The following FHIT variants were observed in gnomAD, a reference collection of about 807,000 sequenced individuals.
The protein encoded by FHIT is fragile histidine triad diadenosine triphosphatase.
A neutral mutation model predicts 17.9 loss-of-function variants in FHIT; 19 were observed. That is an observed-to-expected ratio of 1.06 (90% CI 0.74 to 1.56). The LOEUF (loss-of-function observed/expected upper bound fraction) is 1.56, where lower values mean the gene tolerates loss of function less well. FHIT is among the 40% of genes most tolerant of loss of function. The pLI, the probability that FHIT is intolerant of heterozygous loss-of-function variation, is 0.00. For missense variants in FHIT, 248 were observed against 189.2 expected (o/e 1.31, Z -1.82); for synonymous variants, 81 against 69.7 (o/e 1.16, Z -0.81).
intron 8 of FHIT, among the ~76,000 whole-genome samples, chr3:59,839,682 T>G (rs1392611159): frequency 6.6e-6 from 1 of 152,136 alleles, no homozygotes; most frequent in Non-Finnish European, 1.5e-5. Context: ...GAAGATCTAC[T>G]TCAATCCCAG....
intron 8 of FHIT, among the ~76,000 whole-genome samples, chr3:59,853,871 C>T (rs549378875): frequency 2.6e-5 from 4 of 152,216 alleles, no homozygotes; most frequent in African/African-American, 9.6e-5. Context: ...GTCATGAAGA[C>T]TTAGCAGTTA....
chr3:60,811,760 A>G (rs1374442954), intron 4 of FHIT, among the ~76,000 whole-genome samples: 1 of 152,154 alleles, frequency 6.6e-6, no homozygotes, highest in East Asian at 1.9e-4. Context: ...ATGATCAAAC[A>G]TATTAGCCTT....
intron 8 of FHIT, among the ~76,000 whole-genome samples, chr3:59,774,924 G>A (rs576494993): frequency 6.6e-6 from 1 of 152,210 alleles, no homozygotes; most frequent in African/African-American, 2.4e-5. Flanking sequence ...ATAGACCAGC[G>A]ACATCAGCAT....
intron 7 of FHIT, among the ~76,000 whole-genome samples, chr3:59,981,660 G>A (rs75352249): frequency 0.095 from 14,446 of 152,164 alleles, 873 homozygotes; most frequent in Admixed American, 0.13. Flanking sequence ...TTAACGCAGA[G>A]AGATGCCCTT....
intron 3 of FHIT, among the ~76,000 whole-genome samples, chr3:60,875,922 CATGT>C (rs1315999473): frequency 1.6e-5 from 1 of 61,158 alleles, no homozygotes. Context: ...AAAACTTATT[CATGT>C]GTGTGTGTGT....
intron 7 of FHIT, among the ~76,000 whole-genome samples, chr3:59,946,269 G>T (rs1363692919): frequency 3.3e-5 from 5 of 151,990 alleles, no homozygotes; most frequent in African/African-American, 9.7e-5. Context: ...GTATTTTTTT[G>T]TGTGTGTTTG....
At chr3:60,575,020 T>C (rs1442507712) in intron 4 of FHIT, among the ~76,000 whole-genome samples, 2 of 152,108 alleles carry the variant, frequency 1.3e-5, no homozygotes, top group Admixed American at 6.6e-5. Flanking sequence ...ATAGAGATGA[T>C]AGGCAAAAGT....
chr3:60,231,492 G>T (rs949678319), intron 5 of FHIT, among the ~76,000 whole-genome samples: 3 of 152,168 alleles, frequency 2.0e-5, no homozygotes, highest in African/African-American at 7.2e-5. Context: ...CACCACTGGT[G>T]AACTTTGACA....
At chr3:61,205,330 T>A (rs1339473839) in intron 1 of FHIT, among the ~76,000 whole-genome samples, 1 of 152,184 alleles carries the variant, frequency 6.6e-6, no homozygotes, top group Non-Finnish European at 1.5e-5. Context: ...CCTTTTAGTA[T>A]ATACCCAGTA....
chr3:60,648,627 C>G (rs11920498), intron 4 of FHIT, among the ~76,000 whole-genome samples: 3,328 of 152,284 alleles, frequency 0.022, 126 homozygotes, highest in African/African-American at 0.075. Context: ...ATCTGGACAC[C>G]TGTTACTTGA....
chr3:60,956,995 G>C (rs1709197580), intron 3 of FHIT, among the ~76,000 whole-genome samples: 1 of 152,024 alleles, frequency 6.6e-6, no homozygotes, highest in Non-Finnish European at 1.5e-5. Context: ...CTCATGGTCA[G>C]GCAGTACTGC....
At chr3:60,377,364 G>T (rs1422092011) in intron 5 of FHIT, among the ~76,000 whole-genome samples, 1 of 149,958 alleles carries the variant, frequency 6.7e-6, no homozygotes, top group Non-Finnish European at 1.5e-5. Context: ...TCACCATATT[G>T]GCCAGGATGG....
intron 7 of FHIT, among the ~76,000 whole-genome samples, chr3:59,938,853 T>C (rs1706369661): frequency 6.6e-6 from 1 of 152,126 alleles, no homozygotes; most frequent in African/African-American, 2.4e-5. Flanking sequence ...TAAGACAGGA[T>C]AAATGACTCC....
chr3:61,141,774 T>C lies in FHIT; in HGVS notation c.-164+58843A>G, dbSNP rs544376166. 9.9e-5 allele frequency among the ~76,000 whole-genome samples: 15 copies of C among 151,738 alleles called. No individual in the cohort carries two copies. In the East Asian group the frequency reaches 2.7e-3, roughly 27 times the overall value. ...TGGCTGACCCAGAGGAGGCTCCAGC[T>C]TTCTCAGGATTGTAATGGCAATGAC... On this transcript the variant is annotated intron_variant, in intron 2 of 9. Coordinates refer to ENST00000492590, the MANE Select transcript of FHIT (RefSeq NM_002012.4).
At chr3:60,545,952 T>G (rs966938808) in intron 4 of FHIT, among the ~76,000 whole-genome samples, 4 of 152,214 alleles carry the variant, frequency 2.6e-5, no homozygotes, top group Non-Finnish European at 5.9e-5. Context: ...CGCCATAAAT[T>G]ATTGTTTTCT....
chr3:60,675,644 G>T (rs1398337916), intron 4 of FHIT, among the ~76,000 whole-genome samples: 1 of 152,202 alleles, frequency 6.6e-6, no homozygotes, highest in South Asian at 2.1e-4. Flanking sequence ...CTAAGCAGTA[G>T]TCTGCTCTCT....
intron 5 of FHIT, among the ~76,000 whole-genome samples, chr3:60,255,323 T>A (rs1463084342): frequency 2.6e-5 from 4 of 152,194 alleles, no homozygotes; most frequent in East Asian, 1.9e-4. Flanking sequence ...GGTTTAAACA[T>A]CAAACCACGC....
chr3:60,926,469 C>G (rs1391827805), intron 3 of FHIT, among the ~76,000 whole-genome samples: 1 of 152,044 alleles, frequency 6.6e-6, no homozygotes, highest in Non-Finnish European at 1.5e-5. Flanking sequence ...GGGTACGTCG[C>G]GAAATGAAGA....
intron 4 of FHIT, among the ~76,000 whole-genome samples, chr3:60,563,405 C>T (rs904408812): frequency 3.3e-5 from 5 of 152,150 alleles, no homozygotes; most frequent in Non-Finnish European, 7.4e-5. Context: ...ACCCTACAAT[C>T]GCCTTTTAAG....
Sources: gnomAD v4.1 joint callset for allele counts (sites outside exome capture counted in the v4.1 genomes callset) on GRCh38, gnomAD v4.1.1 for gene constraint, MANE v1.5 for transcripts, NCBI Gene and HGNC (gene_info 2026-07-23, HGNC 2026-07-21) for gene names.